Variants in UQCC2 observed in about 807,000 individuals in gnomAD.
UQCC2 encodes the protein breast cancer-associated protein SGA-81M.
In UQCC2, 21 loss-of-function variants were observed where a neutral mutation model predicts 19.9. That is an observed-to-expected ratio of 1.05 (90% CI 0.75 to 1.52). The LOEUF (loss-of-function observed/expected upper bound fraction) is 1.52. UQCC2 is among the 40% of genes most tolerant of loss of function. The pLI is 0.00. For missense variants in UQCC2, 135 were observed against 157.5 expected (o/e 0.86, Z 0.76); for synonymous variants, 57 against 60.9 (o/e 0.94, Z 0.30).
chr6:33,711,454 C>G, intron 1 of UQCC2, 95 bp downstream of exon 1: 2 of 1,465,438 alleles, frequency 1.4e-6, no homozygotes, highest in Non-Finnish European at 1.8e-6. Context: ...AAAGAGGGCG[C>G]GCGCATGCGC....
chr6:33,697,990 C>A (rs1765587869), intron 3 of UQCC2: 1 of 530,008 alleles, frequency 1.9e-6, no homozygotes, highest in African/African-American at 1.9e-5. Flanking sequence ...GGTCTCCTGC[C>A]CTCTCCTCAC....
At chr6:33,702,786 ACTTAAATCCTTC>A (rs1446672701) in intron 1 of UQCC2, among the ~76,000 whole-genome samples, 1 of 152,228 alleles carries the variant, frequency 6.6e-6, no homozygotes, top group Non-Finnish European at 1.5e-5. Context: ...TTTTTTCCTA[ACTTAAATCCTTC>A]CTTGGAGAAG....
chr6:33,710,813 G>A (rs924303218), intron 1 of UQCC2, among the ~76,000 whole-genome samples: 12 of 152,160 alleles, frequency 7.9e-5, no homozygotes, highest in African/African-American at 2.9e-4. Context: ...ATAAATACGA[G>A]CTATATGAAT....
rs1349895000 is a variant in UQCC2, at chr6:33,711,567, C to T, written c.120G>A (p.Arg40=). The T allele has an allele frequency of 6.2e-7, 1 of 1,610,616 alleles. No individual in the cohort carries two copies. Among genetic ancestry groups the T allele is most frequent in the Non-Finnish European group, 8.5e-7 (1 of 1,178,836 alleles). ...YLRQRVAQAF[R]EGENTQVAEP... ...CGGTCACCTGGGTATTCTCTCCCTC[C>T]CGAAAGGCCTGTGCTACCCGCTGTC... Residue 40 remains arginine (R), a synonymous_variant, in exon 1 of 4, where the codon CGG becomes CGA. Transcript: ENST00000607484.
chr6:33,701,446 G>A, intron 1 of UQCC2, 26 bp from the exon 2 acceptor site: 2 of 1,609,720 alleles, frequency 1.2e-6, no homozygotes, highest in Non-Finnish European at 1.7e-6. Context: ...TCCCAAAGGA[G>A]GTGAGCAAAG....
In UQCC2 at chr6:33,700,571, G is replaced by A. The variant is rs999968373; in HGVS notation, c.214-58C>T. On this transcript the variant is annotated intron_variant, in intron 2 of 3. Coordinates refer to ENST00000607484, the MANE Select transcript of UQCC2 (RefSeq NM_032340.4). ...GGGGAGAGATCAGCACACAAGCCCT[G>A]CTCTCTAACTGCATTTCACCTAGGC... The A allele has an allele frequency of 8.9e-6, 14 of 1,574,114 alleles. No individual in the cohort carries two copies. In the African/African-American group the frequency reaches 1.8e-4, roughly 20 times the overall value.
At chr6:33,708,499 G>C (rs1352669191) in intron 1 of UQCC2, among the ~76,000 whole-genome samples, 1 of 152,186 alleles carries the variant, frequency 6.6e-6, no homozygotes, top group Non-Finnish European at 1.5e-5. Context: ...AAGGTGCACT[G>C]TGCACCTTTC....
At chr6:33,708,493 T>A (rs1582184042) in intron 1 of UQCC2, among the ~76,000 whole-genome samples, 1 of 152,076 alleles carries the variant, frequency 6.6e-6, no homozygotes, top group Admixed American at 6.5e-5. Flanking sequence ...CCGGCAAAGG[T>A]GCACTGTGCA....
At chr6:33,711,412 A>T in intron 1 of UQCC2, 137 bp downstream of exon 1, 1 of 1,261,016 alleles carries the variant, frequency 7.9e-7, no homozygotes. Flanking sequence ...TCCCTGGGGG[A>T]AAAAGGGGGT....
chr6:33,699,992 CTAGT>C (rs1273415678), intron 3 of UQCC2, among the ~76,000 whole-genome samples: 1 of 152,136 alleles, frequency 6.6e-6, no homozygotes, highest in African/African-American at 2.4e-5. Flanking sequence ...TAAAACATAC[CTAGT>C]TAAACTCATA....
In UQCC2 at chr6:33,711,671, A is replaced by C; in HGVS notation, c.16T>G (p.Tyr6Asp). 1 of 1,610,650 alleles carries C rather than the reference A, an allele frequency of 6.2e-7. No homozygotes were observed. Among genetic ancestry groups the C allele is most frequent in the Non-Finnish European group, 8.5e-7 (1 of 1,179,002 alleles). Residue 6 changes from tyrosine (Y) to aspartate (D), a missense_variant, in exon 1 of 4, where the codon TAC becomes GAC. Transcript: ENST00000607484. ...TCACAGAGCTTAAGAAAACGCCGGT[A>C]CCGGCTGGCCGCCATCTTGGGCCCC... MAASR[Y>D]RRFLKLCEEW...
chr6:33,703,145 GCA>G (rs1765659324), intron 1 of UQCC2, among the ~76,000 whole-genome samples: 1 of 152,222 alleles, frequency 6.6e-6, no homozygotes, highest in Admixed American at 6.5e-5. Flanking sequence ...ATGGAATTCT[GCA>G]CACATCTGGG....
intron 1 of UQCC2, among the ~76,000 whole-genome samples, chr6:33,702,614 A>T (rs1765654408): frequency 1.3e-5 from 2 of 152,174 alleles, no homozygotes; most frequent in South Asian, 4.1e-4. Context: ...CATACAGAGG[A>T]GGTGTGGTCT....
At chr6:33,702,298 A>G (rs553105967) in intron 1 of UQCC2, among the ~76,000 whole-genome samples, 46 of 151,946 alleles carry the variant, frequency 3.0e-4, no homozygotes, top group Non-Finnish European at 5.3e-4. Context: ...ATGAGCCACC[A>G]TGCCCGGCCT....
intron 3 of UQCC2, among the ~76,000 whole-genome samples, chr6:33,699,220 C>T (rs1019215667): frequency 1.4e-4 from 22 of 152,232 alleles, no homozygotes; most frequent in African/African-American, 5.3e-4. Flanking sequence ...GGTAAGCTTA[C>T]GCCACACAAT....
chr6:33,711,231 G>A lies in UQCC2; in HGVS notation c.138+318C>T, dbSNP rs140507298. Reference sequence around the variant, plus strand: ...CGGAGTCCCACTATGTTGCCCAGGAGGTCATCCTGGGCTCAAGCGATCCTC... The same window carrying A: ...CGGAGTCCCACTATGTTGCCCAGGAAGTCATCCTGGGCTCAAGCGATCCTC... On this transcript the variant is annotated intron_variant, in intron 1 of 3. Transcript: ENST00000607484. Among the ~76,000 whole-genome samples the A allele has an allele frequency of 1.1e-3, 172 of 152,280 alleles. 1 individual carries two copies. The highest frequency in any genetic ancestry group is 3.9e-3 in the African/African-American group (162 of 41,548).
Position 33,701,337 on chromosome 6 carries a change from C to A in UQCC2, c.213+9G>T. On this transcript the variant is annotated intron_variant, in intron 2 of 3. Transcript: ENST00000607484. ...AAGCTGGGTATATAAAAGACTGTGG[C>A]CCACTCACCTTGTGTTTGTAGTAGT... The A allele has an allele frequency of 6.2e-7, 1 of 1,610,446 alleles. No homozygotes were observed. Among genetic ancestry groups the A allele is most frequent in the Non-Finnish European group, 8.5e-7 (1 of 1,178,518 alleles).
rs200426793 is a variant in UQCC2, at chr6:33,711,612, C to G, written c.75G>C (p.Arg25=). The G allele has an allele frequency of 4.7e-4, 765 of 1,613,932 alleles. No individual in the cohort carries two copies. The highest frequency in any genetic ancestry group is 6.2e-4 in the Non-Finnish European group (737 of 1,179,956). The change falls in exon 1 of 4, where the codon CGG becomes CGC. Residue 25 remains arginine, a synonymous_variant. Coordinates refer to ENST00000607484, the MANE Select transcript of UQCC2 (RefSeq NM_032340.4). ...EWPVDETKRG[R]DLGAYLRQRV... Reference sequence around the variant, plus strand: ...GCTGTCGCAGGTAAGCGCCCAAGTCCCGGCCCCGTTTGGTCTCGTCCACTG... The same window carrying G: ...GCTGTCGCAGGTAAGCGCCCAAGTCGCGGCCCCGTTTGGTCTCGTCCACTG...
At chr6:33,702,421 A>G (rs984885875) in intron 1 of UQCC2, among the ~76,000 whole-genome samples, 4 of 152,216 alleles carry the variant, frequency 2.6e-5, no homozygotes, top group Non-Finnish European at 4.4e-5. Flanking sequence ...AAACATGAAG[A>G]AGGCAACATT....
Sources: allele counts gnomAD v4.1 joint callset (sites outside exome capture counted in the v4.1 genomes callset), GRCh38; gene constraint gnomAD v4.1.1; transcripts MANE v1.5; gene names NCBI Gene and HGNC (gene_info 2026-07-23, HGNC 2026-07-21).